GRID1: variants seen among roughly 807,000 people sequenced by gnomAD.
The protein encoded by GRID1 is glutamate ionotropic receptor delta type subunit 1.
Under a neutral mutation model 98.0 loss-of-function variants are expected in GRID1, and 28 were observed. The ratio of observed to expected loss-of-function variants is 0.29; its 90% CI spans 0.21 to 0.39. GRID1 has a LOEUF of 0.39. Ranked by LOEUF, GRID1 falls within the 10% of genes least tolerant of loss-of-function variation. GRID1 has a pLI of 1.00. For synonymous variants in GRID1, 553 were observed against 538.5 expected, an observed-to-expected ratio of 1.03 and a Z score of -0.37; for missense variants, 1,111 against 1,340.5, an observed-to-expected ratio of 0.83 and a Z score of 2.67.
intron 8 of GRID1, among the ~76,000 whole-genome samples, chr10:85,829,991 A>T (rs960182192): frequency 2.6e-5 from 4 of 152,180 alleles, no homozygotes; most frequent in African/African-American, 9.6e-5. Flanking sequence ...AAAAGAGCCC[A>T]AATAACCAAA....
At chr10:86,315,881 GCCAC>G (rs1489496757) in intron 2 of GRID1, among the ~76,000 whole-genome samples, 1 of 151,536 alleles carries the variant, frequency 6.6e-6, no homozygotes, top group Non-Finnish European at 1.5e-5. Context: ...CATCCCACTG[GCCAC>G]CCACCCACCC....
At chr10:86,182,260 T>C (rs922822028) in intron 3 of GRID1, among the ~76,000 whole-genome samples, 1 of 152,194 alleles carries the variant, frequency 6.6e-6, no homozygotes, top group Non-Finnish European at 1.5e-5. Flanking sequence ...AGAGCTGGCA[T>C]GGATACCTCT....
chr10:85,938,398 T>C (rs762386110), intron 4 of GRID1, among the ~76,000 whole-genome samples: 3 of 152,228 alleles, frequency 2.0e-5, no homozygotes, highest in Non-Finnish European at 2.9e-5. Flanking sequence ...TTTCATCTTA[T>C]ATATTTCAAA....
In GRID1 at chr10:86,365,340, C is replaced by T. The variant is rs1848660523; in HGVS notation, c.79+974G>A. On this transcript the variant is annotated intron_variant, in intron 1 of 15. Coordinates refer to ENST00000327946, the MANE Select transcript of GRID1 (RefSeq NM_017551.3). This position sits in a 1 kb window ranked among gnomAD's most constrained non-coding sequence, Gnocchi z 4.8. ...TGGTCTTTCCCAACTTCCGGAAAGACGACTGCGGAGGGACTCCCCCAAAGC... is the reference window on the plus strand; with the variant it reads ...TGGTCTTTCCCAACTTCCGGAAAGATGACTGCGGAGGGACTCCCCCAAAGC... Among the ~76,000 whole-genome samples, 2 of 150,918 alleles carry T rather than the reference C, an allele frequency of 1.3e-5. No individual in the cohort carries two copies. The highest frequency in any genetic ancestry group is 1.5e-5 in the Non-Finnish European group (1 of 67,778).
intron 4 of GRID1, among the ~76,000 whole-genome samples, chr10:86,038,864 C>G (rs945742816): frequency 1.3e-5 from 2 of 152,192 alleles, no homozygotes; most frequent in Non-Finnish European, 2.9e-5. Flanking sequence ...GGGGAGTCAT[C>G]TCACAACAGC....
chr10:86,312,770 C>T (rs562699697), intron 2 of GRID1, among the ~76,000 whole-genome samples: 1 of 152,218 alleles, frequency 6.6e-6, no homozygotes, highest in Non-Finnish European at 1.5e-5. Context: ...TCCACATAGA[C>T]TGCAGTGAAC....
At chr10:85,935,247 C>T (rs1215191287) in intron 4 of GRID1, among the ~76,000 whole-genome samples, 2 of 152,150 alleles carry the variant, frequency 1.3e-5, no homozygotes, top group East Asian at 3.9e-4. Context: ...GAAGAGGATC[C>T]CAAGTCTGCT....
chr10:86,108,226 C>T (rs1844422920), intron 4 of GRID1, among the ~76,000 whole-genome samples: 1 of 152,182 alleles, frequency 6.6e-6, no homozygotes, highest in Admixed American at 6.5e-5. Context: ...GCGAGCCACA[C>T]CCCCATCGCA....
chr10:86,255,850 A>G (rs987901637), intron 2 of GRID1, among the ~76,000 whole-genome samples: 2 of 152,108 alleles, frequency 1.3e-5, no homozygotes, highest in Non-Finnish European at 2.9e-5. Context: ...GCCCAGCTCC[A>G]CACACACCAC....
At position 85,744,520 on chromosome 10, in the gene GRID1, G is replaced by A. The variant is rs539993139; in HGVS notation, c.1234-14906C>T. ...TGCTGGGAAAACTGGCTAGCCATAT[G>A]TAGAAAGCTGAAACTGGATCCCTTC... is the stretch of plus-strand genomic sequence containing the variant. On this transcript the variant is annotated intron_variant, in intron 8 of 15. Transcript: ENST00000327946. Among the ~76,000 whole-genome samples, 23 of 144,732 alleles carry A rather than the reference G, an allele frequency of 1.6e-4. 1 individual carries two copies. The East Asian group carries it at 2.9e-3, about 18-fold the overall frequency. The allele number at this position is 144,732 out of a possible 152,430, so 94.9% of individuals were successfully genotyped here. A position where few individuals can be genotyped will look rare whatever the true frequency, so the allele number is the denominator to read the frequency against.
At chr10:85,638,381 C>G (rs1843074826) in intron 13 of GRID1, among the ~76,000 whole-genome samples, 1 of 152,126 alleles carries the variant, frequency 6.6e-6, no homozygotes, top group Non-Finnish European at 1.5e-5. Flanking sequence ...TGTAAAGAAT[C>G]TGAAATTGCC....
chr10:85,903,419 ACTT>A lies in GRID1; in HGVS notation c.780+12764_780+12766del, dbSNP rs573795124. On this transcript the variant is annotated intron_variant, in intron 5 of 15. Coordinates refer to ENST00000327946, the MANE Select transcript of GRID1 (RefSeq NM_017551.3). ...CCCCAAATATATTCAGAATCCAACT[ACTT>A]CTTACCTCCTCCATACTACCCCATA... 4.2e-3 allele frequency among the ~76,000 whole-genome samples: 645 copies of A among 152,088 alleles called. 6 individuals are homozygous for A. The highest frequency in any genetic ancestry group is 0.015 in the African/African-American group (608 of 41,488).
intron 2 of GRID1, among the ~76,000 whole-genome samples, chr10:86,350,144 A>T (rs1848442552): frequency 6.6e-6 from 1 of 152,196 alleles, no homozygotes; most frequent in South Asian, 2.1e-4. Context: ...AGAGATGGGG[A>T]AAAGGCCAAT....
chr10:85,856,034 T>G lies in GRID1; in HGVS notation c.1108A>C (p.Lys370Gln), dbSNP rs1843106651. 6.2e-7 allele frequency: 1 copy of G among 1,613,748 alleles called. No homozygotes were observed. The highest frequency in any genetic ancestry group is 8.5e-7 in the Non-Finnish European group (1 of 1,179,976). Residue 370 changes from lysine to glutamine, a missense_variant, in exon 7 of 16, where the codon AAA becomes CAA. Transcript: ENST00000327946. The part of the protein sequence containing the change: ...NGGRSMLDTI[K>Q]KGHITGLTGV... ...GGGTGCCCCCTCACACGTACCTTTT[T>G]GATGGTATCCAGCATGGACCTCCCA...
chr10:85,865,942 TAC>T lies in GRID1; in HGVS notation c.951+3066_951+3067del, dbSNP rs1554836198. Among the ~76,000 whole-genome samples, 888 of 94,834 alleles carry T rather than the reference TAC, an allele frequency of 9.4e-3. 39 individuals are homozygous for T. Among genetic ancestry groups the T allele is most frequent in the South Asian group, 0.059 (153 of 2,608 alleles). The allele number at this position is 94,834 out of a possible 152,430, so 62.2% of individuals were successfully genotyped here. A position where few individuals can be genotyped will look rare whatever the true frequency, so the allele number is the denominator to read the frequency against. ...ATATATATATATATATATATATATA[TAC>T]ACATATATATGGAGAGAGAGAGAGA... On this transcript the variant is annotated intron_variant, in intron 6 of 15. Transcript: ENST00000327946.
intron 2 of GRID1, among the ~76,000 whole-genome samples, chr10:86,301,812 C>G (rs749078960): frequency 6.6e-6 from 1 of 152,246 alleles, no homozygotes; most frequent in Non-Finnish European, 1.5e-5. Flanking sequence ...TTCTTAAGGC[C>G]TCAGTACTAT....
chr10:85,649,252 G>A (rs769468087), intron 12 of GRID1, among the ~76,000 whole-genome samples: 15 of 152,120 alleles, frequency 9.9e-5, no homozygotes, highest in African/African-American at 2.2e-4. Context: ...CCCTTGCTTC[G>A]GAGACACATG....
At chr10:86,077,808 A>G (rs1843904530) in intron 4 of GRID1, among the ~76,000 whole-genome samples, 1 of 152,104 alleles carries the variant, frequency 6.6e-6, no homozygotes, top group Non-Finnish European at 1.5e-5. Context: ...CATGGATGGG[A>G]AAAAAAACTC....
chr10:85,723,765 G>T (rs1053981374), intron 11 of GRID1, among the ~76,000 whole-genome samples: 8 of 152,188 alleles, frequency 5.3e-5, no homozygotes, highest in African/African-American at 1.9e-4. Context: ...GGAGAAGAGA[G>T]CTTCTCACTG....
Sources: allele counts gnomAD v4.1 joint callset (sites outside exome capture counted in the v4.1 genomes callset), GRCh38; gene constraint gnomAD v4.1.1; non-coding constraint Gnocchi (gnomAD v3.1); transcripts MANE v1.5; gene names NCBI Gene and HGNC (gene_info 2026-07-23, HGNC 2026-07-21).